The following KCTD5 variants were observed in gnomAD, a reference collection of about 807,000 sequenced individuals.
KCTD5 encodes potassium channel tetramerization domain containing 5.
Under a neutral mutation model 27.9 loss-of-function variants are expected in KCTD5, and 12 were observed. The ratio of observed to expected loss-of-function variants is 0.43; its 90% CI spans 0.28 to 0.70. The LOEUF (loss-of-function observed/expected upper bound fraction) is 0.70. Among genes scored for constraint, KCTD5 ranks in the 30% least tolerant of loss-of-function variants. The pLI is 0.19. For synonymous variants in KCTD5, 147 were observed against 121.4 expected (o/e 1.21, Z -1.39); for missense variants, 226 against 274.8 (o/e 0.82, Z 1.26).
chr16:2,704,718 C>T (rs1300327864), intron 5 of KCTD5, among the ~76,000 whole-genome samples: 5 of 152,186 alleles, frequency 3.3e-5, no homozygotes, highest in Non-Finnish European at 7.4e-5. Flanking sequence ...GCATCCACCG[C>T]CTGCCCCCGT....
chr16:2,706,423 G>A (rs1174280918), intron 5 of KCTD5, among the ~76,000 whole-genome samples: 4 of 152,190 alleles, frequency 2.6e-5, no homozygotes, highest in African/African-American at 9.6e-5. Context: ...TGTGGGCCAC[G>A]CACAGTGAGG....
At chr16:2,687,920 G>C (rs1186799831) in intron 1 of KCTD5, among the ~76,000 whole-genome samples, 1 of 152,084 alleles carries the variant, frequency 6.6e-6, no homozygotes, top group Non-Finnish European at 1.5e-5. Flanking sequence ...ATGGACTGCA[G>C]AATGTCTAGA....
Position 2,705,761 on chromosome 16 carries a change from T to G in KCTD5, c.676-1537T>G, listed in dbSNP as rs543036752. Among the ~76,000 whole-genome samples, 3 of 152,266 alleles carry G rather than the reference T, an allele frequency of 2.0e-5. 1 individual carries two copies. In the South Asian group the frequency reaches 6.2e-4, roughly 32 times the overall value. On this transcript the variant is annotated intron_variant, in intron 5 of 5. Coordinates refer to ENST00000301738, the MANE Select transcript of KCTD5 (RefSeq NM_018992.4). ...TTGGACCTTCCTGTGGAAGATGGCCTAGGGAGACAGTGTGTCCAGAAAAGA... is the reference window on the plus strand; with the variant it reads ...TTGGACCTTCCTGTGGAAGATGGCCGAGGGAGACAGTGTGTCCAGAAAAGA...
intron 5 of KCTD5, among the ~76,000 whole-genome samples, chr16:2,704,307 CGCAGGGCCGCATGGGCTGT>C (rs1201045842): frequency 6.6e-6 from 1 of 152,204 alleles, no homozygotes; most frequent in Non-Finnish European, 1.5e-5. Flanking sequence ...GGCTGGGCTG[CGCAGGGCCGCATGGGCTGT>C]GGGCCCTCGT....
intron 1 of KCTD5, chr16:2,684,664 C>T (rs1232178407): frequency 6.6e-6 from 1 of 152,022 alleles, no homozygotes; most frequent in Non-Finnish European, 1.5e-5. Flanking sequence ...ACTAGGCAGT[C>T]TGAGGCAGGA....
At chr16:2,705,840 G>A (rs1174735987) in intron 5 of KCTD5, among the ~76,000 whole-genome samples, 1 of 152,216 alleles carries the variant, frequency 6.6e-6, no homozygotes, top group African/African-American at 2.4e-5. Flanking sequence ...CCGGCCTTGG[G>A]AGGGCGAAGG....
In KCTD5 at chr16:2,682,611, G is replaced by A. The variant is rs1189804524; in HGVS notation, c.63G>A (p.Gly21=). 1 of 1,534,880 alleles carries A rather than the reference G, an allele frequency of 6.5e-7. No individual in the cohort carries two copies. The highest frequency in any genetic ancestry group is 8.7e-7 in the Non-Finnish European group (1 of 1,146,364). ...GGGGCGGCATCGGGGCGGGGCTGGGGGGCGGCCTGTGCCGCCGCTGCAGCG... is the reference window on the plus strand; with the variant it reads ...GGGGCGGCATCGGGGCGGGGCTGGGAGGCGGCCTGTGCCGCCGCTGCAGCG... ...PARGGIGAGL[G]GGLCRRCSAG... The change falls in exon 1 of 6, where the codon GGG becomes GGA. Residue 21 remains glycine (G), a synonymous_variant. Transcript: ENST00000301738.
chr16:2,703,125 CCTGCCTCGTTTG>C (rs1179241281), intron 5 of KCTD5, among the ~76,000 whole-genome samples: 2 of 152,188 alleles, frequency 1.3e-5, no homozygotes, highest in Non-Finnish European at 2.9e-5. Context: ...TGCAGGGACC[CCTGCCTCGTTTG>C]CTTTCAGGTT....
At position 2,691,723 on chromosome 16, in the gene KCTD5, G is replaced by C. The variant is rs1201684460; in HGVS notation, c.253-4212G>C. Reference sequence around the variant, plus strand: ...TTGGTAGACGCAGCTGGGGTTCTCTGCTCCTCTGCCCTGCAGCCTTGGCTC... The same window carrying C: ...TTGGTAGACGCAGCTGGGGTTCTCTCCTCCTCTGCCCTGCAGCCTTGGCTC... On this transcript the variant is annotated intron_variant, in intron 1 of 5. Transcript: ENST00000301738. 2.0e-5 allele frequency among the ~76,000 whole-genome samples: 3 copies of C among 152,304 alleles called. No homozygotes were observed. In the South Asian group the frequency reaches 6.2e-4, roughly 32 times the overall value.
rs775971499 is a variant in KCTD5, at chr16:2,682,581, G to C, written c.33G>C (p.Pro11=). The change falls in exon 1 of 6, where the codon CCG becomes CCC. Residue 11 remains proline (P), a synonymous_variant. Transcript: ENST00000301738. The part of the protein sequence containing the change: MAENHCELLS[P]ARGGIGAGLG... ...AGAATCACTGCGAGCTCCTGTCGCCGGCCCGGGGCGGCATCGGGGCGGGGC... is the reference window on the plus strand; with the variant it reads ...AGAATCACTGCGAGCTCCTGTCGCCCGCCCGGGGCGGCATCGGGGCGGGGC... The C allele has an allele frequency of 1.3e-5, 18 of 1,414,006 alleles. No homozygotes were observed. In the African/African-American group the frequency reaches 1.5e-4, roughly 12 times the overall value. 87.6% of individuals were successfully genotyped at this position (1,414,006 alleles called of 1,614,324 possible).
intron 1 of KCTD5, among the ~76,000 whole-genome samples, chr16:2,686,987 G>C (rs1172093122): frequency 6.6e-6 from 1 of 152,176 alleles, no homozygotes; most frequent in Admixed American, 6.5e-5. Flanking sequence ...TTTGTTTCAC[G>C]CTTCAGTTGA....
At chr16:2,705,143 C>T (rs751282891) in intron 5 of KCTD5, among the ~76,000 whole-genome samples, 1 of 152,220 alleles carries the variant, frequency 6.6e-6, no homozygotes, top group Non-Finnish European at 1.5e-5. Flanking sequence ...AGAGTGACGA[C>T]GAGGACCAGG....
intron 1 of KCTD5, among the ~76,000 whole-genome samples, chr16:2,688,245 ATTTATTTATT>A (rs1567193122): frequency 5.0e-4 from 33 of 66,238 alleles, no homozygotes; most frequent in African/African-American, 9.5e-4. Context: ...ATATATATAT[ATTTATTTATT>A]TATTTATTTA....
intron 1 of KCTD5, among the ~76,000 whole-genome samples, chr16:2,691,593 A>AGAATTGAACCACGTG (rs1403361842): frequency 1.3e-5 from 2 of 152,128 alleles, no homozygotes; most frequent in Non-Finnish European, 1.5e-5. Flanking sequence ...TGGGGCTCAG[A>AGAATTGAACCACGTG]GAATTGAACC....
intron 1 of KCTD5, chr16:2,685,475 G>C (rs2067536831): frequency 6.7e-6 from 1 of 149,582 alleles, no homozygotes; most frequent in African/African-American, 2.5e-5. Flanking sequence ...GAGTAAATAA[G>C]GTTAGTTTTA....
At chr16:2,690,701 G>A (rs1170448565) in intron 1 of KCTD5, among the ~76,000 whole-genome samples, 11 of 152,204 alleles carry the variant, frequency 7.2e-5, no homozygotes, top group Non-Finnish European at 1.2e-4. Flanking sequence ...TGAGCGGGCC[G>A]GGGCATCTTT....
At chr16:2,696,507 C>T (rs1196128981) in intron 2 of KCTD5, among the ~76,000 whole-genome samples, 2 of 152,246 alleles carry the variant, frequency 1.3e-5, no homozygotes, top group African/African-American at 2.4e-5. Context: ...TGCCAGCTGC[C>T]GTGTTCCATT....
Position 2,682,533 on chromosome 16 carries a change from G to C in KCTD5, c.-16G>C, listed in dbSNP as rs768575582. 1.6e-4 allele frequency: 226 copies of C among 1,389,936 alleles called. No individual in the cohort carries two copies. Among genetic ancestry groups the C allele is most frequent in the Non-Finnish European group, 1.9e-4 (207 of 1,073,334 alleles). 86.1% of individuals were successfully genotyped at this position (1,389,936 alleles called of 1,614,324 possible). A position where few individuals can be genotyped will look rare whatever the true frequency, so the allele number is the denominator to read the frequency against. Reference sequence around the variant, plus strand: ...GCTTCCGGTGGAAGGGAGCTGTTGCGGGGCTTGCTGGGATCATGGCGGAGA... The same window carrying C: ...GCTTCCGGTGGAAGGGAGCTGTTGCCGGGCTTGCTGGGATCATGGCGGAGA... On this transcript the variant is annotated 5_prime_UTR_variant, in exon 1 of 6. Coordinates refer to ENST00000301738, the MANE Select transcript of KCTD5 (RefSeq NM_018992.4).
chr16:2,703,487 G>T (rs1287000948), intron 5 of KCTD5, among the ~76,000 whole-genome samples: 8 of 152,170 alleles, frequency 5.3e-5, no homozygotes, highest in African/African-American at 1.9e-4. Context: ...ATTAAACCAG[G>T]GACACCTGGG....
Sources: allele counts gnomAD v4.1 joint callset (sites outside exome capture counted in the v4.1 genomes callset), GRCh38; gene constraint gnomAD v4.1.1; transcripts MANE v1.5; gene names NCBI Gene and HGNC (gene_info 2026-07-23, HGNC 2026-07-21).